EMC1: variants seen among roughly 807,000 people sequenced by gnomAD.
EMC1 encodes the protein KIAA0090.
In EMC1, 103 loss-of-function variants were observed where a neutral mutation model predicts 128.8. That is an observed-to-expected ratio of 0.80 (90% CI 0.68 to 0.94). The LOEUF (loss-of-function observed/expected upper bound fraction) is 0.94, where lower values mean the gene tolerates loss of function less well. Ranked by LOEUF, EMC1 falls within the 40% of genes least tolerant of loss-of-function variation. The pLI is 0.00. For missense variants in EMC1, 1,083 were observed against 1,250.6 expected (o/e 0.87, Z 2.02); for synonymous variants, 442 against 490.4 (o/e 0.90, Z 1.30).
intron 1 of EMC1, among the ~76,000 whole-genome samples, chr1:19,246,749 C>T (rs1025538190): frequency 2.0e-5 from 3 of 151,900 alleles, no homozygotes; most frequent in Admixed American, 6.6e-5. Flanking sequence ...CACTGTACTC[C>T]GGCGTGGGTG....
intron 15 of EMC1, among the ~76,000 whole-genome samples, chr1:19,231,743 C>T (rs1315320399): frequency 1.3e-5 from 2 of 152,156 alleles, no homozygotes; most frequent in African/African-American, 4.8e-5. Context: ...ACCTCAACCT[C>T]CCAAGTAGCT....
intron 15 of EMC1, among the ~76,000 whole-genome samples, chr1:19,231,912 C>T (rs999049805): frequency 6.6e-6 from 1 of 152,190 alleles, no homozygotes; most frequent in East Asian, 1.9e-4. Context: ...CGTGAGCCAC[C>T]GCGCCTGGCT....
At chr1:19,242,004 C>T (rs1336385516) in intron 5 of EMC1, among the ~76,000 whole-genome samples, 2 of 152,092 alleles carry the variant, frequency 1.3e-5, no homozygotes, top group Non-Finnish European at 2.9e-5. Context: ...TTAATATGAA[C>T]GAAAGGCTCA....
At chr1:19,222,518 T>TA (rs1379426518) in intron 20 of EMC1, 106 bp downstream of exon 20, 7 of 974,214 alleles carry the variant, frequency 7.2e-6, no homozygotes. Flanking sequence ...ACCTTTCCCT[T>TA]ACAGGTGGTT....
At chr1:19,239,038 G>T (rs1426638255) in intron 9 of EMC1, among the ~76,000 whole-genome samples, 181 bp from the exon 10 acceptor site, 1 of 152,176 alleles carries the variant, frequency 6.6e-6, no homozygotes, top group African/African-American at 2.4e-5. Flanking sequence ...CATCACATTA[G>T]GGTCTCGTTC....
In EMC1 at chr1:19,216,552, A is replaced by G. The variant is rs2093397999; in HGVS notation, c.*2751T>C. 6.6e-6 allele frequency: 1 copy of G among 152,226 alleles called. No individual in the cohort carries two copies. The highest frequency in any genetic ancestry group is 1.5e-5 in the Non-Finnish European group (1 of 68,044). 9.4% of individuals were successfully genotyped at this position (152,226 alleles called of 1,614,324 possible). ...TACCCACAAAAAATTTAAATAAAAA[A>G]CTTTAAAAGATCCATTAGTTGAAAA... On this transcript the variant is annotated 3_prime_UTR_variant, in exon 23 of 23. Coordinates refer to ENST00000477853, the MANE Select transcript of EMC1 (RefSeq NM_015047.3).
intron 20 of EMC1, chr1:19,221,116 A>C: frequency 3.7e-6 from 1 of 269,432 alleles, no homozygotes; most frequent in Non-Finnish European, 7.0e-6. Flanking sequence ...GAAAGAGAAA[A>C]ATGTAGAAGG....
chr1:19,232,536 C>T, intron 15 of EMC1, 88 bp downstream of exon 15: 1 of 1,464,326 alleles, frequency 6.8e-7, no homozygotes, highest in Non-Finnish European at 9.5e-7. Context: ...TTAACTCACA[C>T]AATTCCAAGG....
At chr1:19,240,257 G>C (rs746292240) in intron 7 of EMC1, 40 bp downstream of exon 7, 2 of 1,612,120 alleles carry the variant, frequency 1.2e-6, no homozygotes, top group African/African-American at 2.7e-5. Flanking sequence ...CTCCCCGCAG[G>C]AAATGCCTCA....
chr1:19,233,210 G>A lies in EMC1; in HGVS notation c.1433-75C>T, dbSNP rs1370066401. 4 of 1,299,054 alleles carry A rather than the reference G, an allele frequency of 3.1e-6. No homozygotes were observed. In the African/African-American group the frequency reaches 4.4e-5, roughly 14 times the overall value. 80.5% of individuals were successfully genotyped at this position (1,299,054 alleles called of 1,614,324 possible). On this transcript the variant is annotated intron_variant, in intron 13 of 22. Transcript: ENST00000477853. ...AGGAGGTACATGATTTTCCTAATGAGGGATCTCTGCCTCTCCTCTGGAGCA... is the reference window on the plus strand; with the variant it reads ...AGGAGGTACATGATTTTCCTAATGAAGGATCTCTGCCTCTCCTCTGGAGCA...
intron 18 of EMC1, among the ~76,000 whole-genome samples, chr1:19,224,636 A>G (rs2093458027): frequency 6.6e-6 from 1 of 152,194 alleles, no homozygotes; most frequent in South Asian, 2.1e-4. Flanking sequence ...CCCACAGCCT[A>G]AATGGTCTGC....
At chr1:19,231,134 G>A in intron 16 of EMC1, 127 bp downstream of exon 16, 1 of 1,327,832 alleles carries the variant, frequency 7.5e-7, no homozygotes, top group South Asian at 1.4e-5. Context: ...TTTCTCTTCG[G>A]GATGGCCTTA....
At chr1:19,239,206 G>A in intron 9 of EMC1, 25 bp downstream of exon 9, 2 of 1,602,638 alleles carry the variant, frequency 1.2e-6, no homozygotes, top group Admixed American at 1.7e-5. Flanking sequence ...AATCCCAAGT[G>A]CTGACTGTTG....
In EMC1 at chr1:19,219,202, GACACAC is replaced by G; in HGVS notation, c.*95_*100del. On this transcript the variant is annotated 3_prime_UTR_variant, in exon 23 of 23. Transcript: ENST00000477853. ...TCCCTACAGTTCTTAGCTGAGCACTGACACACACACATACTCCACCAATCCACCAAA... is the reference window on the plus strand; with the variant it reads ...TCCCTACAGTTCTTAGCTGAGCACTGACACATACTCCACCAATCCACCAAA... 5.1e-6 allele frequency: 6 copies of G among 1,176,208 alleles called. No individual in the cohort carries two copies. The highest frequency in any genetic ancestry group is 7.4e-6 in the Non-Finnish European group (6 of 805,676). The allele number at this position is 1,176,208 out of a possible 1,614,324, so 72.9% of individuals were successfully genotyped here. A position where few individuals can be genotyped will look rare whatever the true frequency, so the allele number is the denominator to read the frequency against.
rs1166931493 is a variant in EMC1 at position 19,219,138 on chromosome 1, T to C, written c.*165A>G. On this transcript the variant is annotated 3_prime_UTR_variant, in exon 23 of 23. Transcript: ENST00000477853. Reference sequence around the variant, plus strand: ...CATGTAGGATCCTTTCTGCATCATGTATATCCCAAAAGGAGTTCTGCGTGA... The same window carrying C: ...CATGTAGGATCCTTTCTGCATCATGCATATCCCAAAAGGAGTTCTGCGTGA... 5 of 631,696 alleles carry C rather than the reference T, an allele frequency of 7.9e-6. No homozygotes were observed. The East Asian group carries it at 1.4e-4, about 17-fold the overall frequency. The allele number at this position is 631,696 out of a possible 1,614,324, so 39.1% of individuals were successfully genotyped here.
At chr1:19,234,159 G>T (rs2093545709) in intron 13 of EMC1, 2 of 984,770 alleles carry the variant, frequency 2.0e-6, no homozygotes, top group Non-Finnish European at 2.4e-6. Flanking sequence ...GAGCAACAAG[G>T]CAGCAAGAAG....
chr1:19,219,242 G>C lies in EMC1; in HGVS notation c.*61C>G. 6.4e-7 allele frequency: 1 copy of C among 1,550,628 alleles called. No homozygotes were observed. The highest frequency in any genetic ancestry group is 8.9e-7 in the Non-Finnish European group (1 of 1,126,592). ...TCCACCAATCCACCAAACTGCAGCTGTAGCTGCTTATCTGACCCACACTCC... is the reference window on the plus strand; with the variant it reads ...TCCACCAATCCACCAAACTGCAGCTCTAGCTGCTTATCTGACCCACACTCC... On this transcript the variant is annotated 3_prime_UTR_variant, in exon 23 of 23. Transcript: ENST00000477853.
chr1:19,230,533 G>C (rs1315460514), intron 17 of EMC1, among the ~76,000 whole-genome samples: 1 of 151,936 alleles, frequency 6.6e-6, no homozygotes, highest in Non-Finnish European at 1.5e-5. Context: ...TCGCACCACT[G>C]CACTCCAGCC....
chr1:19,221,606 A>C (rs1213923635), intron 20 of EMC1: 1 of 148,500 alleles, frequency 6.7e-6, no homozygotes, highest in African/African-American at 2.5e-5. Flanking sequence ...ACTGCACTCC[A>C]GCCTGGGTGA....
Sources: allele counts gnomAD v4.1 joint callset (sites outside exome capture counted in the v4.1 genomes callset), GRCh38; gene constraint gnomAD v4.1.1; transcripts MANE v1.5; gene names NCBI Gene and HGNC (gene_info 2026-07-23, HGNC 2026-07-21).